AKAP6: variants seen among roughly 807,000 people sequenced by gnomAD.
AKAP6 encodes A-kinase anchor protein 6.
Under a neutral mutation model 188.5 loss-of-function variants are expected in AKAP6, and 58 were observed. That is an observed-to-expected ratio of 0.31 (90% CI 0.25 to 0.38). AKAP6 has a LOEUF of 0.38. AKAP6 is among the 10% of genes least tolerant of loss of function. The pLI is 1.00. For missense variants in AKAP6, 2,710 were observed against 2,740.0 expected, an observed-to-expected ratio of 0.99 and a Z score of 0.24; for synonymous variants, 989 against 998.6, an observed-to-expected ratio of 0.99 and a Z score of 0.18.
chr14:32,625,544 C>T (rs564646533), intron 7 of AKAP6, among the ~76,000 whole-genome samples: 2 of 151,956 alleles, frequency 1.3e-5, no homozygotes, highest in South Asian at 4.2e-4. Context: ...TTATTAGTTG[C>T]CCTTAGAATT....
Position 32,822,213 on chromosome 14 carries a change from T to C in AKAP6, c.4400T>C (p.Phe1467Ser), listed in dbSNP as rs759138453. The C allele has an allele frequency of 1.9e-6, 3 of 1,613,894 alleles. No homozygotes were observed. The Admixed American group carries it at 5.0e-5, about 27-fold the overall frequency. The change falls in exon 13 of 14, where the codon TTT becomes TCT. Residue 1467 changes from phenylalanine to serine, a missense_variant. Transcript: ENST00000280979. ...ELQGKHDVFT[F>S]YDYSYLQGSK... ...CAAGGAAAACATGATGTGTTTACAT[T>C]TTATGATTACTCATACCTCCAAGGC...
rs780846155 is a variant in AKAP6 at position 32,350,013 on chromosome 14, T to C, written c.-35+20605T>C. Among the ~76,000 whole-genome samples the C allele has an allele frequency of 2.6e-5, 4 of 152,116 alleles. No individual in the cohort carries two copies. In the South Asian group the frequency reaches 8.3e-4, roughly 31 times the overall value. On this transcript the variant is annotated intron_variant, in intron 1 of 13. Coordinates refer to ENST00000280979, the MANE Select transcript of AKAP6 (RefSeq NM_004274.5). ...ATACATGAGTGTATACTAATATAAA[T>C]GAATAATTGAATAAATAGATAAACA...
At chr14:32,774,557 G>T (rs1162782452) in intron 12 of AKAP6, among the ~76,000 whole-genome samples, 3 of 152,146 alleles carry the variant, frequency 2.0e-5, no homozygotes, top group Non-Finnish European at 4.4e-5. Flanking sequence ...GCTGTTGCTA[G>T]ATGAAGGAAA....
intron 2 of AKAP6, among the ~76,000 whole-genome samples, chr14:32,507,044 T>C (rs1317637306): frequency 1.3e-5 from 2 of 152,184 alleles, no homozygotes; most frequent in African/African-American, 2.4e-5. Flanking sequence ...AAATTAAATA[T>C]ATTAGAGGGT....
At chr14:32,500,988 C>T (rs1880582660) in intron 2 of AKAP6, among the ~76,000 whole-genome samples, 1 of 152,114 alleles carries the variant, frequency 6.6e-6, no homozygotes, top group South Asian at 2.1e-4. Context: ...TAGCCTGTGG[C>T]ACACCAAAGT....
chr14:32,558,797 G>T (rs1486893877), intron 4 of AKAP6, among the ~76,000 whole-genome samples: 1 of 152,102 alleles, frequency 6.6e-6, no homozygotes, highest in African/African-American at 2.4e-5. Flanking sequence ...CTGCATTCCA[G>T]CTCACAAGAA....
At chr14:32,779,035 C>G (rs2033156142) in intron 12 of AKAP6, among the ~76,000 whole-genome samples, 1 of 151,758 alleles carries the variant, frequency 6.6e-6, no homozygotes, top group Non-Finnish European at 1.5e-5. Flanking sequence ...CTAAAAGCCC[C>G]AATTAAAAAG....
At chr14:32,396,043 T>C (rs1164164654) in intron 1 of AKAP6, among the ~76,000 whole-genome samples, 1 of 152,126 alleles carries the variant, frequency 6.6e-6, no homozygotes, top group African/African-American at 2.4e-5. Context: ...TGAGCTATAA[T>C]GTGTATATAT....
intron 9 of AKAP6, among the ~76,000 whole-genome samples, chr14:32,705,930 G>A (rs1243823815): frequency 6.6e-6 from 1 of 152,080 alleles, no homozygotes; most frequent in Non-Finnish European, 1.5e-5. Flanking sequence ...CTTCTACCTG[G>A]AAGAAACACA....
intron 7 of AKAP6, among the ~76,000 whole-genome samples, chr14:32,624,828 T>G (rs923473373): frequency 2.0e-5 from 3 of 152,150 alleles, no homozygotes; most frequent in Admixed American, 6.6e-5. Flanking sequence ...AAGCTTAAAA[T>G]TTATTTTATA....
At position 32,440,287 on chromosome 14, in the gene AKAP6, A is replaced by C. The variant is rs997840039; in HGVS notation, c.324+6470A>C. On this transcript the variant is annotated intron_variant, in intron 2 of 13. Coordinates refer to ENST00000280979, the MANE Select transcript of AKAP6 (RefSeq NM_004274.5). ...TAGGTGGGAACTGAACAATGAGAAC[A>C]CTTGGACACAGGGTGGGGAACATCA... Among the ~76,000 whole-genome samples, 4 of 150,320 alleles carry C rather than the reference A, an allele frequency of 2.7e-5. No homozygotes were observed. In the South Asian group the frequency reaches 6.4e-4, roughly 24 times the overall value.
intron 12 of AKAP6, among the ~76,000 whole-genome samples, chr14:32,788,388 G>A (rs1302553193): frequency 6.6e-6 from 1 of 152,138 alleles, no homozygotes; most frequent in Non-Finnish European, 1.5e-5. Context: ...AAGCAGCCGT[G>A]GTCTGTGGCC....
chr14:32,440,837 T>G (rs909376463), intron 2 of AKAP6, among the ~76,000 whole-genome samples: 2 of 152,172 alleles, frequency 1.3e-5, no homozygotes, highest in Non-Finnish European at 2.9e-5. Flanking sequence ...AAGCCCAGAT[T>G]TATGGCTGTA....
At chr14:32,356,550 G>A (rs10129967) in intron 1 of AKAP6, among the ~76,000 whole-genome samples, 3 of 151,904 alleles carry the variant, frequency 2.0e-5, no homozygotes, top group African/African-American at 7.3e-5. Flanking sequence ...AAAGCTGGTA[G>A]GTTCTAAAAT....
intron 7 of AKAP6, among the ~76,000 whole-genome samples, chr14:32,631,986 C>G (rs1887292129): frequency 6.6e-6 from 1 of 152,000 alleles, no homozygotes; most frequent in South Asian, 2.1e-4. Flanking sequence ...CGTGAGACAA[C>G]TTTCTCTTCC....
chr14:32,475,025 C>T (rs1878985510), intron 2 of AKAP6, among the ~76,000 whole-genome samples: 1 of 152,162 alleles, frequency 6.6e-6, no homozygotes, highest in Non-Finnish European at 1.5e-5. Flanking sequence ...GAAATACATA[C>T]GTAGAGCTAC....
At chr14:32,398,981 A>G (rs1248884018) in intron 1 of AKAP6, among the ~76,000 whole-genome samples, 2 of 147,546 alleles carry the variant, frequency 1.4e-5, no homozygotes, top group Admixed American at 6.8e-5. Flanking sequence ...TCAGCCTCCC[A>G]AGTAGCTGGG....
At chr14:32,620,851 T>G (rs1886789502) in intron 7 of AKAP6, among the ~76,000 whole-genome samples, 1 of 151,960 alleles carries the variant, frequency 6.6e-6, no homozygotes, top group South Asian at 2.1e-4. Flanking sequence ...TGCTTGTTAT[T>G]GGTCTGTTCA....
At chr14:32,602,534 G>C (rs1885970331) in intron 7 of AKAP6, among the ~76,000 whole-genome samples, 1 of 152,076 alleles carries the variant, frequency 6.6e-6, no homozygotes, top group South Asian at 2.1e-4. Flanking sequence ...GCTGGGTATG[G>C]TGACATGCGC....
Sources: allele counts gnomAD v4.1 joint callset (sites outside exome capture counted in the v4.1 genomes callset), GRCh38; gene constraint gnomAD v4.1.1; transcripts MANE v1.5; gene names NCBI Gene and HGNC (gene_info 2026-07-23, HGNC 2026-07-21).